The following TBCK variants were observed in gnomAD, a reference collection of about 807,000 sequenced individuals.
TBCK encodes the protein TBC domain-containing protein kinase-like protein.
A neutral mutation model predicts 113.4 loss-of-function variants in TBCK; 99 were observed. The ratio of observed to expected loss-of-function variants is 0.87; its 90% CI spans 0.74 to 1.03. The LOEUF (loss-of-function observed/expected upper bound fraction) is 1.03, where lower values mean the gene tolerates loss of function less well. Ranked by LOEUF, TBCK falls within the 50% of genes least tolerant of loss-of-function variation. The probability of loss-of-function intolerance (pLI) is 0.00; values close to 1 mark genes in which losing one functional copy is unlikely to be tolerated. For missense variants in TBCK, 1,045 were observed against 1,061.3 expected, an observed-to-expected ratio of 0.98 and a Z score of 0.21; for synonymous variants, 369 against 370.8, an observed-to-expected ratio of 1.00 and a Z score of 0.05.
chr4:106,263,384 A>C (rs1176026032), intron 3 of TBCK, among the ~76,000 whole-genome samples: 1 of 151,960 alleles, frequency 6.6e-6, no homozygotes, highest in African/African-American at 2.4e-5. Context: ...TTAAAACATA[A>C]GGATTGTCAG....
At chr4:106,268,265 C>T (rs1353095599) in intron 3 of TBCK, among the ~76,000 whole-genome samples, 1 of 151,996 alleles carries the variant, frequency 6.6e-6, no homozygotes, top group Non-Finnish European at 1.5e-5. Flanking sequence ...GAATTGAACT[C>T]CCTTTCTTGA....
chr4:106,130,619 CA>C (rs1745781968), intron 23 of TBCK, among the ~76,000 whole-genome samples: 1 of 151,514 alleles, frequency 6.6e-6, no homozygotes, highest in African/African-American at 2.4e-5. Flanking sequence ...CACACACACA[CA>C]CACACACACC....
intron 23 of TBCK, among the ~76,000 whole-genome samples, chr4:106,157,218 G>T (rs192031759): frequency 1.3e-5 from 2 of 152,138 alleles, no homozygotes; most frequent in African/African-American, 4.8e-5. Flanking sequence ...TTTCCAAGAT[G>T]TAAGACAGAG....
intron 23 of TBCK, among the ~76,000 whole-genome samples, chr4:106,134,086 T>G (rs747755801): frequency 2.0e-4 from 31 of 152,080 alleles, no homozygotes; most frequent in Non-Finnish European, 4.1e-4. Flanking sequence ...GTAACATCTT[T>G]CAAATAGCTG....
chr4:106,295,255 A>G (rs1766171717), intron 2 of TBCK, 89 bp from the exon 3 acceptor site: 1 of 972,780 alleles, frequency 1.0e-6, no homozygotes, highest in Non-Finnish European at 1.5e-6. Context: ...ATATTAATAT[A>G]TAACACCCAT....
At chr4:106,186,765 G>GTTGCAA (rs1230979366) in intron 22 of TBCK, among the ~76,000 whole-genome samples, 1 of 152,082 alleles carries the variant, frequency 6.6e-6, no homozygotes, top group Non-Finnish European at 1.5e-5. Context: ...TTTTGTTTCT[G>GTTGCAA]TTGCAATTGC....
intron 3 of TBCK, among the ~76,000 whole-genome samples, chr4:106,283,102 T>A (rs1238015223): frequency 6.6e-6 from 1 of 152,132 alleles, no homozygotes; most frequent in Non-Finnish European, 1.5e-5. Flanking sequence ...AAAATTCATT[T>A]GTTTGAGAAA....
intron 24 of TBCK, among the ~76,000 whole-genome samples, chr4:106,110,208 C>T (rs776729242): frequency 2.0e-5 from 3 of 152,180 alleles, no homozygotes; most frequent in South Asian, 2.1e-4. Context: ...TTTCTGTCAG[C>T]GGTCTGGTCC....
intron 12 of TBCK, among the ~76,000 whole-genome samples, chr4:106,241,389 T>C (rs1760123250): frequency 6.6e-6 from 1 of 151,946 alleles, no homozygotes; most frequent in Non-Finnish European, 1.5e-5. Flanking sequence ...TGAAGTTCTT[T>C]ATGATGATTA....
chr4:106,266,714 G>A (rs544483690), intron 3 of TBCK, among the ~76,000 whole-genome samples: 10 of 151,750 alleles, frequency 6.6e-5, no homozygotes, highest in Admixed American at 2.0e-4. Flanking sequence ...CATATTCTCA[G>A]AATTTGATTT....
At chr4:106,187,366 A>C (rs1183788667) in intron 22 of TBCK, among the ~76,000 whole-genome samples, 1 of 151,868 alleles carries the variant, frequency 6.6e-6, no homozygotes, top group Non-Finnish European at 1.5e-5. Context: ...CTTCTGATCC[A>C]TGAGCATGGA....
At chr4:106,093,901 G>T (rs756407068) in intron 25 of TBCK, among the ~76,000 whole-genome samples, 1 of 152,070 alleles carries the variant, frequency 6.6e-6, no homozygotes, top group Non-Finnish European at 1.5e-5. Context: ...GTAAACTGTG[G>T]ACTTGGGATG....
chr4:106,133,959 C>G lies in TBCK; in HGVS notation c.2236-17581G>C, dbSNP rs758356016. Reference sequence around the variant, plus strand: ...TGGGAGGTGGAGGCTGCAGTGAATGCAGATCATGCCACTGCACTCCAGCCT... The same window carrying G: ...TGGGAGGTGGAGGCTGCAGTGAATGGAGATCATGCCACTGCACTCCAGCCT... On this transcript the variant is annotated intron_variant, in intron 23 of 25. Transcript: ENST00000394708. Among the ~76,000 whole-genome samples, 89 of 151,894 alleles carry G rather than the reference C, an allele frequency of 5.9e-4. 3 individuals carry two copies. The highest frequency in any genetic ancestry group is 1.7e-3 in the Admixed American group (26 of 15,248).
intron 19 of TBCK, among the ~76,000 whole-genome samples, chr4:106,218,137 A>C (rs1435346205): frequency 2.8e-5 from 4 of 144,596 alleles, no homozygotes; most frequent in Admixed American, 6.8e-5. Flanking sequence ...CCTATTTAAT[A>C]AATGGTGCTG....
intron 23 of TBCK, among the ~76,000 whole-genome samples, chr4:106,150,604 A>G (rs1401794638): frequency 6.6e-6 from 1 of 152,050 alleles, no homozygotes; most frequent in African/African-American, 2.4e-5. Flanking sequence ...TTAATTCACT[A>G]AAAAAATTAT....
chr4:106,084,913 C>T (rs1297067925), intron 25 of TBCK, among the ~76,000 whole-genome samples: 1 of 152,150 alleles, frequency 6.6e-6, no homozygotes, highest in African/African-American at 2.4e-5. Context: ...CCAGGTCAGT[C>T]CTGCAAGAGC....
intron 23 of TBCK, among the ~76,000 whole-genome samples, chr4:106,131,146 G>T (rs902766480): frequency 2.0e-5 from 3 of 152,118 alleles, no homozygotes; most frequent in African/African-American, 7.2e-5. Context: ...TTGTAAATGG[G>T]AGTTCCCCTG....
At chr4:106,073,739 G>A (rs991857834) in intron 25 of TBCK, among the ~76,000 whole-genome samples, 13 of 152,186 alleles carry the variant, frequency 8.5e-5, no homozygotes, top group Admixed American at 2.0e-4. Flanking sequence ...ACAGAGGCAC[G>A]TAGGCCTCAT....
chr4:106,300,450 T>C (rs1766821028), intron 2 of TBCK, among the ~76,000 whole-genome samples: 1 of 152,190 alleles, frequency 6.6e-6, no homozygotes, highest in Non-Finnish European at 1.5e-5. Context: ...TGTCTTAAAA[T>C]AATATAAAGG....
Sources: gnomAD v4.1 joint callset for allele counts (sites outside exome capture counted in the v4.1 genomes callset) on GRCh38, gnomAD v4.1.1 for gene constraint, MANE v1.5 for transcripts, NCBI Gene and HGNC (gene_info 2026-07-23, HGNC 2026-07-21) for gene names.